Variants in RBM41 observed in about 807,000 individuals in gnomAD.
RBM41 encodes RNA binding motif protein 41.
In RBM41, 14 loss-of-function variants were observed where a neutral mutation model predicts 30.8. The ratio of observed to expected loss-of-function variants is 0.45; its 90% CI spans 0.30 to 0.71. The LOEUF is 0.71. Among genes scored for constraint, RBM41 ranks in the 30% least tolerant of loss-of-function variants. RBM41 has a pLI of 0.08. For synonymous variants in RBM41, 120 were observed against 110.1 expected (o/e 1.09, Z -0.56); for missense variants, 276 against 326.3 (o/e 0.85, Z 1.19).
At chrX:107,086,764 A>G (rs1922072878) in intron 6 of RBM41, among the ~76,000 whole-genome samples, 1 of 112,169 alleles carries the variant, frequency 8.9e-6, no homozygotes, top group African/African-American at 3.2e-5. Flanking sequence ...GAGGTGTATG[A>G]TAATACTTGT....
chrX:107,095,420 ACT>A (rs1429266658), intron 5 of RBM41, among the ~76,000 whole-genome samples: 1 of 109,552 alleles, frequency 9.1e-6, no homozygotes, highest in African/African-American at 3.3e-5. Context: ...ATATGGTGAA[ACT>A]CTGTCTCTAC....
At chrX:107,080,133 T>A (rs983684826) in intron 6 of RBM41, among the ~76,000 whole-genome samples, 1 of 111,046 alleles carries the variant, frequency 9.0e-6, no homozygotes, top group African/African-American at 3.3e-5. Flanking sequence ...ATCAACTGGG[T>A]AAATAAGTAG....
At chrX:107,085,749 CTT>C (rs1240396834) in intron 6 of RBM41, among the ~76,000 whole-genome samples, 1 of 111,834 alleles carries the variant, frequency 8.9e-6, no homozygotes, top group Non-Finnish European at 1.9e-5. Flanking sequence ...TTTATAAACA[CTT>C]TTATTTTTAT....
intron 5 of RBM41, among the ~76,000 whole-genome samples, chrX:107,104,226 C>A (rs1923738065): frequency 9.0e-6 from 1 of 111,431 alleles, no homozygotes; most frequent in African/African-American, 3.3e-5. Context: ...AAAGAAAAAT[C>A]ATTAATAAAT....
Position 107,088,597 on chromosome X carries a change from C to A in RBM41, c.838G>T (p.Val280Phe), listed in dbSNP as rs1279039097. ...GKGPSLHVAN[V>F]IDFSPEQCWT... ...CACTGCTCAGGTGAAAAATCAATAA[C>A]ATTTGCCACATGGAGACTGGGGCCT... The change falls in exon 6 of 8, where the codon GTT becomes TTT. Residue 280 changes from valine (V) to phenylalanine (F), a missense_variant. Val to Phe is a conservative substitution (Grantham distance 50, BLOSUM62 -1). Coordinates refer to ENST00000685964, the MANE Select transcript of RBM41 (RefSeq NM_001324242.2). 8.3e-7 allele frequency: 1 copy of A among 1,211,366 alleles called. No individual in the cohort carries two copies. The highest frequency in any genetic ancestry group is 1.8e-5 in the South Asian group (1 of 56,914).
intron 6 of RBM41, among the ~76,000 whole-genome samples, chrX:107,082,402 T>C (rs1028976489): frequency 1.8e-5 from 2 of 111,749 alleles, no homozygotes; most frequent in Non-Finnish European, 3.8e-5. Flanking sequence ...CATTATTGAA[T>C]TTGATTACCT....
intron 5 of RBM41, among the ~76,000 whole-genome samples, chrX:107,109,304 G>A (rs1397879396): frequency 9.0e-6 from 1 of 111,350 alleles, no homozygotes; most frequent in Non-Finnish European, 1.9e-5. Context: ...CCACTCAAAA[G>A]GCAGAGATTG....
intron 1 of RBM41, among the ~76,000 whole-genome samples, chrX:107,117,663 G>A (rs992513934): frequency 8.9e-6 from 1 of 112,027 alleles, no homozygotes; most frequent in African/African-American, 3.2e-5. Context: ...CCAGCATGAA[G>A]TATCAGGAAT....
Position 107,067,362 on chromosome X carries a change from A to G in RBM41, c.*165T>C, listed in dbSNP as rs1185690773. The G allele has an allele frequency of 5.6e-6, 6 of 1,068,792 alleles. No homozygotes were observed. In the East Asian group the frequency reaches 1.9e-4, roughly 33 times the overall value. The allele number at this position is 1,068,792 out of a possible 1,213,427, so 88.1% of individuals were successfully genotyped here. Reference sequence around the variant, plus strand: ...TATATAGTCTTCAATTATATAATAGAAAATGTTTTCTACCAGTTCTCTCCA... The same window carrying G: ...TATATAGTCTTCAATTATATAATAGGAAATGTTTTCTACCAGTTCTCTCCA... On this transcript the variant is annotated 3_prime_UTR_variant, in exon 8 of 8. Transcript: ENST00000685964.
At chrX:107,086,001 T>A (rs183837082) in intron 6 of RBM41, among the ~76,000 whole-genome samples, 77 of 111,579 alleles carry the variant, frequency 6.9e-4, no homozygotes, top group Admixed American at 5.7e-3. Flanking sequence ...TAAATAAATA[T>A]GAAAAAACAA....
chrX:107,084,228 G>T (rs781417106), intron 6 of RBM41, among the ~76,000 whole-genome samples: 29 of 110,158 alleles, frequency 2.6e-4, no homozygotes, highest in African/African-American at 8.9e-4. Flanking sequence ...TATAATCCAC[G>T]ATTATTATAC....
intron 7 of RBM41, among the ~76,000 whole-genome samples, chrX:107,068,805 G>A (rs1043732004): frequency 1.9e-4 from 21 of 112,098 alleles, no homozygotes; most frequent in African/African-American, 5.5e-4. Flanking sequence ...TAATTAATAT[G>A]CAAATAATAT....
At chrX:107,075,402 A>G (rs1365949022) in intron 6 of RBM41, among the ~76,000 whole-genome samples, 2 of 112,234 alleles carry the variant, frequency 1.8e-5, no homozygotes, top group Admixed American at 9.5e-5. Flanking sequence ...GCAGAAATAG[A>G]TAAGTGGGAC....
At position 107,067,584 on chromosome X, in the gene RBM41, T is replaced by C; in HGVS notation, c.1257A>G (p.Gln419=). Residue 419 remains glutamine, a synonymous_variant, in exon 8 of 8, where the codon CAA becomes CAG. Coordinates refer to ENST00000685964, the MANE Select transcript of RBM41 (RefSeq NM_001324242.2). ...TAGCACATGATATGAGAGAAGTCGC[T>C]TGGAGATTTGACCGTTGCTTTTTGT... ...GKNKKQRSNL[Q]ATSLISCATG... 8.3e-7 allele frequency: 1 copy of C among 1,211,119 alleles called. No individual in the cohort carries two copies. The highest frequency in any genetic ancestry group is 1.1e-6 in the Non-Finnish European group (1 of 895,033).
chrX:107,084,540 T>C lies in RBM41; in HGVS notation c.999+3896A>G, dbSNP rs774212695. ...AAGAGATTTTTTTTTCTTCGGTCTT[T>C]ACCTTGAAACTTGTGGGGTTCCTGG... On this transcript the variant is annotated intron_variant, in intron 6 of 7. Transcript: ENST00000685964. Among the ~76,000 whole-genome samples, 3 of 111,563 alleles carry C rather than the reference T, an allele frequency of 2.7e-5. No homozygotes were observed. In the South Asian group the frequency reaches 1.1e-3, roughly 42 times the overall value.
At chrX:107,085,711 C>G (rs576226512) in intron 6 of RBM41, among the ~76,000 whole-genome samples, 3 of 111,680 alleles carry the variant, frequency 2.7e-5, no homozygotes, top group African/African-American at 9.7e-5. Flanking sequence ...GGTGTTTTTG[C>G]CTCTGTGAAC....
chrX:107,087,886 GCCA>G (rs1922182791), intron 6 of RBM41, among the ~76,000 whole-genome samples: 1 of 112,599 alleles, frequency 8.9e-6, no homozygotes, highest in Non-Finnish European at 1.9e-5. Flanking sequence ...ACAGGCATGA[GCCA>G]CCACACCTGG....
At chrX:107,057,680 T>G (rs1434977586), downstream of RBM41, among the ~76,000 whole-genome samples, 1 of 112,194 alleles carries the variant, frequency 8.9e-6, no homozygotes, top group African/African-American at 3.2e-5. Flanking sequence ...TTAAGTACTC[T>G]ATTTACTTCA....
chrX:107,090,393 A>G (rs1206387501), intron 5 of RBM41, among the ~76,000 whole-genome samples: 1 of 111,773 alleles, frequency 8.9e-6, no homozygotes, highest in East Asian at 2.8e-4. Flanking sequence ...AAAATGTCCA[A>G]TGGTGACCAA....
Sources: gnomAD v4.1 joint callset for allele counts (sites outside exome capture counted in the v4.1 genomes callset) on GRCh38, gnomAD v4.1.1 for gene constraint, MANE v1.5 for transcripts, NCBI Gene and HGNC (gene_info 2026-07-23, HGNC 2026-07-21) for gene names.